Variants in ADAMTSL1 observed in about 807,000 individuals in gnomAD.
The protein encoded by ADAMTSL1 is ADAMTS like 1, also known as ADAMTS-like protein 1.
A neutral mutation model predicts 201.8 loss-of-function variants in ADAMTSL1; 126 were observed. The ratio of observed to expected loss-of-function variants is 0.62; its 90% CI spans 0.54 to 0.72. ADAMTSL1 has a LOEUF of 0.72. Among genes scored for constraint, ADAMTSL1 ranks in the 30% least tolerant of loss-of-function variants. The pLI is 0.00. For missense variants in ADAMTSL1, 2,679 were observed against 2,277.8 expected (o/e 1.18, Z -3.59); for synonymous variants, 1,121 against 903.4 (o/e 1.24, Z -4.32).
intron 1 of ADAMTSL1, among the ~76,000 whole-genome samples, chr9:18,025,449 G>T (rs935077014): frequency 6.6e-6 from 1 of 151,962 alleles, no homozygotes; most frequent in South Asian, 2.1e-4. Flanking sequence ...ATAGGTAGGG[G>T]TTCAGTTTTA....
intron 22 of ADAMTSL1, among the ~76,000 whole-genome samples, chr9:18,827,706 T>G (rs1409546270): frequency 1.3e-5 from 2 of 152,170 alleles, no homozygotes; most frequent in Non-Finnish European, 2.9e-5. Context: ...GTATGGCTGC[T>G]ACTGTGGCTT....
intron 2 of ADAMTSL1, among the ~76,000 whole-genome samples, chr9:18,448,079 A>T (rs1479343305): frequency 3.3e-5 from 5 of 152,238 alleles, no homozygotes; most frequent in African/African-American, 1.2e-4. Context: ...AGAAAACAAG[A>T]GAAAACAAAA....
intron 8 of ADAMTSL1, among the ~76,000 whole-genome samples, chr9:18,660,085 T>C (rs1028936798): frequency 1.3e-5 from 2 of 152,208 alleles, no homozygotes; most frequent in Non-Finnish European, 2.9e-5. Context: ...GGCCTCATTT[T>C]CCTCACATGG....
rs533851086 is a variant in ADAMTSL1, at chr9:18,096,445, A to G, written c.88-67417A>G. 9.2e-5 allele frequency among the ~76,000 whole-genome samples: 14 copies of G among 152,286 alleles called. 1 individual carries two copies. In the East Asian group the frequency reaches 2.1e-3, roughly 23 times the overall value. On this transcript the variant is annotated intron_variant, in intron 1 of 29. Coordinates refer to the ADAMTSL1 transcript ENST00000680146. ...AAATGTTCTGTGACTGTGCTGTTCA[A>G]TATAGTAGCCACTGGCCCATGTGGC...
chr9:18,032,437 G>A (rs1821004006), intron 1 of ADAMTSL1, among the ~76,000 whole-genome samples: 1 of 152,174 alleles, frequency 6.6e-6, no homozygotes, highest in African/African-American at 2.4e-5. Flanking sequence ...AAAACATCCG[G>A]GTGGGGCAGT....
Position 18,330,452 on chromosome 9 carries a change from C to CA in ADAMTSL1, c.207+166483dup, listed in dbSNP as rs375562301. 5.0e-3 allele frequency among the ~76,000 whole-genome samples: 711 copies of CA among 142,970 alleles called. 2 individuals are homozygous for CA. The highest frequency in any genetic ancestry group is 0.016 in the South Asian group (70 of 4,510). 93.8% of individuals were successfully genotyped at this position (142,970 alleles called of 152,430 possible). On this transcript the variant is annotated intron_variant, in intron 2 of 29. Coordinates refer to the ADAMTSL1 transcript ENST00000680146. ...TCCATCATAACCTTCTTTGTTTCATCAAAAAAAAAAAACTAAAATCTCTCA... is the reference window on the plus strand; with the variant it reads ...TCCATCATAACCTTCTTTGTTTCATCAAAAAAAAAAAAACTAAAATCTCTCA...
Position 18,828,696 on chromosome 9 carries a change from A to ATT in ADAMTSL1, c.4115-1147_4115-1146insTT, listed in dbSNP as rs1384860090. ...TATATATATATATATATATATATAA[A>ATT]ATGTGTGTGTGTGTATATATATATA... On this transcript the variant is annotated intron_variant, in intron 22 of 28. Transcript: ENST00000380548. Among the ~76,000 whole-genome samples, 8 of 91,060 alleles carry ATT rather than the reference A, an allele frequency of 8.8e-5. 1 individual carries two copies. Among genetic ancestry groups the ATT allele is most frequent in the Non-Finnish European group, 1.8e-4 (8 of 44,898 alleles). 59.7% of individuals were successfully genotyped at this position (91,060 alleles called of 152,430 possible). A position where few individuals can be genotyped will look rare whatever the true frequency, so the allele number is the denominator to read the frequency against.
chr9:18,420,831 GT>G (rs1818912171), intron 2 of ADAMTSL1, among the ~76,000 whole-genome samples: 1 of 152,186 alleles, frequency 6.6e-6, no homozygotes, highest in South Asian at 2.1e-4. Flanking sequence ...GAAAAAAATA[GT>G]TTTTGTCTCG....
At chr9:18,745,238 T>C (rs1819065250) in intron 15 of ADAMTSL1, among the ~76,000 whole-genome samples, 1 of 152,232 alleles carries the variant, frequency 6.6e-6, no homozygotes, top group African/African-American at 2.4e-5. Context: ...ATGGTAACTT[T>C]ATAAATTCTG....
At chr9:18,470,695 A>C (rs1821173080), upstream of ADAMTSL1, among the ~76,000 whole-genome samples, 1 of 152,110 alleles carries the variant, frequency 6.6e-6, no homozygotes, top group Non-Finnish European at 1.5e-5. Flanking sequence ...CAGGGAGAGA[A>C]ATACCGAAAG....
intron 11 of ADAMTSL1, chr9:18,680,756 G>A (rs1830423321): frequency 1.9e-6 from 1 of 516,224 alleles, no homozygotes; most frequent in Admixed American, 3.3e-5. Flanking sequence ...CCCAGATAAT[G>A]TTCCCTCAAA....
intron 2 of ADAMTSL1, among the ~76,000 whole-genome samples, chr9:18,234,102 G>A (rs1477916401): frequency 6.6e-6 from 1 of 152,132 alleles, no homozygotes; most frequent in African/African-American, 2.4e-5. Context: ...GAAAGGACAG[G>A]GCTTGCTAAA....
chr9:18,629,664 T>A lies in ADAMTSL1; in HGVS notation c.602-6279T>A, dbSNP rs192720009. Among the ~76,000 whole-genome samples, 222 of 152,312 alleles carry A rather than the reference T, an allele frequency of 1.5e-3. 1 individual carries two copies. The highest frequency in any genetic ancestry group is 2.4e-3 in the Non-Finnish European group (166 of 68,016). Reference sequence around the variant, plus strand: ...GGCAGTATTTTGTTGAGGCTTTTTATCTGTGTTCATGAGAGATACTGGTCT... The same window carrying A: ...GGCAGTATTTTGTTGAGGCTTTTTAACTGTGTTCATGAGAGATACTGGTCT... On this transcript the variant is annotated intron_variant, in intron 5 of 28. Coordinates refer to ENST00000380548, the MANE Select transcript of ADAMTSL1 (RefSeq NM_001040272.6).
At chr9:18,592,205 T>C (rs1482027574) in intron 4 of ADAMTSL1, among the ~76,000 whole-genome samples, 7 of 152,132 alleles carry the variant, frequency 4.6e-5, no homozygotes, top group Admixed American at 3.9e-4. Context: ...AAGTTTGGTT[T>C]TGGGGAGTGC....
intron 2 of ADAMTSL1, among the ~76,000 whole-genome samples, chr9:18,276,563 G>A (rs1452420879): frequency 1.3e-5 from 2 of 152,142 alleles, no homozygotes; most frequent in East Asian, 3.9e-4. Flanking sequence ...TGCTAATTTA[G>A]CAAGATGAGA....
chr9:18,250,804 A>C (rs1330726865), intron 2 of ADAMTSL1, among the ~76,000 whole-genome samples: 1 of 152,178 alleles, frequency 6.6e-6, no homozygotes, highest in Non-Finnish European at 1.5e-5. Flanking sequence ...TCCTGAATGA[A>C]TTCCTTGCAG....
At chr9:18,040,310 A>G (rs888943149) in intron 1 of ADAMTSL1, among the ~76,000 whole-genome samples, 1 of 152,158 alleles carries the variant, frequency 6.6e-6, no homozygotes, top group East Asian at 1.9e-4. Context: ...GGTCTCTGAT[A>G]AAATAAAGCC....
chr9:17,908,435 G>A (rs532631438), intron 1 of ADAMTSL1, among the ~76,000 whole-genome samples: 6 of 151,880 alleles, frequency 4.0e-5, no homozygotes, highest in African/African-American at 1.2e-4. Context: ...AACCCAATGT[G>A]CAAAAATGAC....
At chr9:18,530,143 G>C (rs1410812142) in intron 2 of ADAMTSL1, among the ~76,000 whole-genome samples, 1 of 152,138 alleles carries the variant, frequency 6.6e-6, no homozygotes. Context: ...TTTGAACAGA[G>C]CTTTTGTACA....
Sources: allele counts gnomAD v4.1 joint callset (sites outside exome capture counted in the v4.1 genomes callset), GRCh38; gene constraint gnomAD v4.1.1; transcripts MANE v1.5; gene names NCBI Gene and HGNC (gene_info 2026-07-23, HGNC 2026-07-21).